The following PICALM variants were observed in gnomAD, a reference collection of about 807,000 sequenced individuals.
The protein encoded by PICALM is phosphatidylinositol binding clathrin assembly protein, also known as phosphatidylinositol-binding clathrin assembly protein.
In PICALM, 40 loss-of-function variants were observed where a neutral mutation model predicts 80.5. That is an observed-to-expected ratio of 0.50 (90% CI 0.39 to 0.65). The LOEUF (loss-of-function observed/expected upper bound fraction) is 0.65, where lower values mean the gene tolerates loss of function less well. Ranked by LOEUF, PICALM falls within the 30% of genes least tolerant of loss-of-function variation. The pLI is 0.00. For missense variants in PICALM, 676 were observed against 778.9 expected (o/e 0.87, Z 1.57); for synonymous variants, 288 against 260.3 (o/e 1.11, Z -1.02).
At chr11:85,973,880 C>A (rs926690831) in intron 19 of PICALM, among the ~76,000 whole-genome samples, 1 of 127,932 alleles carries the variant, frequency 7.8e-6, no homozygotes, top group Non-Finnish European at 1.6e-5. Flanking sequence ...CTAACAATTG[C>A]ATATAATTAA....
chr11:85,964,416 T>G (rs1287548471), intron 19 of PICALM, among the ~76,000 whole-genome samples: 1 of 152,234 alleles, frequency 6.6e-6, no homozygotes, highest in Admixed American at 6.5e-5. Flanking sequence ...CCAGGTTTTG[T>G]AGAAAGATGG....
At chr11:86,045,543 A>AAAAAAAAAAAAAAC in intron 1 of PICALM, among the ~76,000 whole-genome samples, 1 of 148,436 alleles carries the variant, frequency 6.7e-6, no homozygotes, top group South Asian at 2.1e-4. Flanking sequence ...AAAAAAAAAA[A>AAAAAAAAAAAAAAC]AAGACTCCAT....
At chr11:86,019,159 T>G (rs1239057958) in intron 4 of PICALM, among the ~76,000 whole-genome samples, 1 of 152,188 alleles carries the variant, frequency 6.6e-6, no homozygotes, top group Non-Finnish European at 1.5e-5. Context: ...AAATCAAACT[T>G]TACTACTTAC....
At chr11:86,034,836 A>G (rs1196639189) in intron 1 of PICALM, among the ~76,000 whole-genome samples, 2 of 152,204 alleles carry the variant, frequency 1.3e-5, no homozygotes, top group East Asian at 1.9e-4. Context: ...TACCCACCAT[A>G]CAAACACAAA....
At chr11:86,006,722 G>T (rs79257745) in intron 8 of PICALM, among the ~76,000 whole-genome samples, 1 of 152,034 alleles carries the variant, frequency 6.6e-6, no homozygotes, top group Non-Finnish European at 1.5e-5. Context: ...AAATGAGAGA[G>T]TTGATGGAAA....
In PICALM at chr11:86,014,835, T is replaced by C. The variant is rs1391889857; in HGVS notation, c.546+35A>G. 4 of 1,272,736 alleles carry C rather than the reference T, an allele frequency of 3.1e-6. No individual in the cohort carries two copies. In the South Asian group the frequency reaches 5.4e-5, roughly 17 times the overall value. 78.8% of individuals were successfully genotyped at this position (1,272,736 alleles called of 1,614,324 possible). A position where few individuals can be genotyped will look rare whatever the true frequency, so the allele number is the denominator to read the frequency against. On this transcript the variant is annotated intron_variant, in intron 5 of 19. Coordinates refer to ENST00000393346, the MANE Select transcript of PICALM (RefSeq NM_007166.4). ...TTCTCATGAATTATAATGACCTAAT[T>C]TTTTAAAATCTTAAATTACAAAAGC...
intron 19 of PICALM, among the ~76,000 whole-genome samples, chr11:85,961,842 C>T (rs944449923): frequency 1.4e-5 from 2 of 148,034 alleles, no homozygotes; most frequent in Non-Finnish European, 3.0e-5. Context: ...CAAGTGATTT[C>T]ATTTCTTTCT....
intron 5 of PICALM, among the ~76,000 whole-genome samples, chr11:86,013,265 T>C (rs911460395): frequency 1.3e-5 from 2 of 151,896 alleles, no homozygotes; most frequent in Admixed American, 1.3e-4. Flanking sequence ...CAATGAGCTA[T>C]GATCATGCCA....
Position 85,990,768 on chromosome 11 carries a change from T to C in PICALM, c.1259-369A>G, listed in dbSNP as rs180784537. Among the ~76,000 whole-genome samples the C allele has an allele frequency of 1.3e-3, 199 of 152,240 alleles. 1 individual carries two copies. The highest frequency in any genetic ancestry group is 4.7e-3 in the African/African-American group (194 of 41,538). ...GTATAGCTGTGTTTACTTGAATAATTGATATTGACAATTGGTATGTGTGTT... is the reference window on the plus strand; with the variant it reads ...GTATAGCTGTGTTTACTTGAATAATCGATATTGACAATTGGTATGTGTGTT... On this transcript the variant is annotated intron_variant, in intron 12 of 19. Transcript: ENST00000393346.
intron 1 of PICALM, among the ~76,000 whole-genome samples, chr11:86,061,075 T>G (rs2096354285): frequency 6.6e-6 from 1 of 152,118 alleles, no homozygotes; most frequent in Non-Finnish European, 1.5e-5. Context: ...ATGCCTGTAA[T>G]CCCAACACTT....
At chr11:85,980,803 T>G (rs1046908563) in intron 17 of PICALM, among the ~76,000 whole-genome samples, 1 of 152,220 alleles carries the variant, frequency 6.6e-6, no homozygotes, top group African/African-American at 2.4e-5. Flanking sequence ...AGCACATTGC[T>G]TAATAACTCT....
At chr11:86,013,588 A>G (rs555362021) in intron 5 of PICALM, among the ~76,000 whole-genome samples, 1 of 152,294 alleles carries the variant, frequency 6.6e-6, no homozygotes, top group African/African-American at 2.4e-5. Context: ...AACATCTATC[A>G]ACAGGAGGAT....
In PICALM at chr11:86,041,809, C is replaced by G. The variant is rs146949490; in HGVS notation, c.131-10198G>C. Among the ~76,000 whole-genome samples the G allele has an allele frequency of 2.0e-3, 301 of 152,286 alleles. 3 individuals carry two copies. Among genetic ancestry groups the G allele is most frequent in the African/African-American group, 6.9e-3 (285 of 41,572 alleles). ...TCTTAAAATTATCTTTCATTTGTCT[C>G]TTTACCCACTAATGTCATAAATACA... On this transcript the variant is annotated intron_variant, in intron 1 of 19. Transcript: ENST00000393346.
chr11:86,068,899 T>A lies in PICALM; in HGVS notation c.-119A>T. On this transcript the variant is annotated 5_prime_UTR_variant, in exon 1 of 20. Transcript: ENST00000393346. Reference sequence around the variant, plus strand: ...TACCCCCACCGGCTCCTTCCCCGCCTGCCGGCCTGGGGCGCGGTTCGGGGC... The same window carrying A: ...TACCCCCACCGGCTCCTTCCCCGCCAGCCGGCCTGGGGCGCGGTTCGGGGC... 1 of 1,360,110 alleles carries A rather than the reference T, an allele frequency of 7.4e-7. No individual in the cohort carries two copies. The highest frequency in any genetic ancestry group is 1.5e-5 in the African/African-American group (1 of 66,140). 84.3% of individuals were successfully genotyped at this position (1,360,110 alleles called of 1,614,324 possible).
chr11:86,048,001 T>G (rs2096106748), intron 1 of PICALM, among the ~76,000 whole-genome samples: 2 of 151,936 alleles, frequency 1.3e-5, no homozygotes, highest in African/African-American at 4.8e-5. Flanking sequence ...CTTGGGAGGC[T>G]GACGCAGGAG....
At chr11:85,979,144 T>C (rs1410749470) in intron 17 of PICALM, among the ~76,000 whole-genome samples, 2 of 152,174 alleles carry the variant, frequency 1.3e-5, no homozygotes, top group Non-Finnish European at 2.9e-5. Context: ...TGTTTAAGAT[T>C]GTGTATTTGT....
At chr11:85,980,446 T>C (rs1251227259) in intron 17 of PICALM, among the ~76,000 whole-genome samples, 2 of 152,244 alleles carry the variant, frequency 1.3e-5, no homozygotes, top group Non-Finnish European at 2.9e-5. Flanking sequence ...CTATGTGACA[T>C]ATACATATAT....
In PICALM at chr11:86,045,662, A is replaced by G. The variant is rs115322541; in HGVS notation, c.131-14051T>C. 3.3e-3 allele frequency among the ~76,000 whole-genome samples: 496 copies of G among 152,056 alleles called. 4 individuals carry two copies. Among genetic ancestry groups the G allele is most frequent in the African/African-American group, 0.012 (486 of 41,500 alleles). Reference sequence around the variant, plus strand: ...GAATTATAAAATTTTATATAGATCTATATTTATACAATATCCCATTTATTT... The same window carrying G: ...GAATTATAAAATTTTATATAGATCTGTATTTATACAATATCCCATTTATTT... On this transcript the variant is annotated intron_variant, in intron 1 of 19. Coordinates refer to ENST00000393346, the MANE Select transcript of PICALM (RefSeq NM_007166.4).
At chr11:86,039,769 C>T (rs1021017785) in intron 1 of PICALM, among the ~76,000 whole-genome samples, 1 of 151,688 alleles carries the variant, frequency 6.6e-6, no homozygotes, top group Non-Finnish European at 1.5e-5. Context: ...TTTGGGAGGC[C>T]GAGGCGGGCA....
Sources: gnomAD v4.1 joint callset for allele counts (sites outside exome capture counted in the v4.1 genomes callset) on GRCh38, gnomAD v4.1.1 for gene constraint, MANE v1.5 for transcripts, NCBI Gene and HGNC (gene_info 2026-07-23, HGNC 2026-07-21) for gene names.